Variants in CSGALNACT1 observed in about 807,000 individuals in gnomAD.
CSGALNACT1 encodes chondroitin sulfate N-acetylgalactosaminyltransferase 1, also known as beta4GalNAcT-1.
A neutral mutation model predicts 51.0 loss-of-function variants in CSGALNACT1; 52 were observed. That is an observed-to-expected ratio of 1.02 (90% CI 0.82 to 1.29). CSGALNACT1 has a LOEUF of 1.29. Among genes scored for constraint, CSGALNACT1 ranks in the 50% most tolerant of loss-of-function variants. CSGALNACT1 has a pLI of 0.00. For synonymous variants in CSGALNACT1, 341 were observed against 254.4 expected (o/e 1.34, Z -3.24); for missense variants, 935 against 679.2 (o/e 1.38, Z -4.19).
At chr8:19,621,498 T>C (rs369339667) in intron 1 of CSGALNACT1, among the ~76,000 whole-genome samples, 1 of 152,276 alleles carries the variant, frequency 6.6e-6, no homozygotes, top group East Asian at 1.9e-4. Flanking sequence ...TTAGAAATAA[T>C]GTCCAGGCAC....
At chr8:19,455,388 G>C (rs971880028) in intron 5 of CSGALNACT1, among the ~76,000 whole-genome samples, 4 of 152,184 alleles carry the variant, frequency 2.6e-5, no homozygotes, top group African/African-American at 9.7e-5. Flanking sequence ...TCTGGGGATG[G>C]AAAGGAATTT....
chr8:19,636,058 ATT>A (rs745697123), intron 1 of CSGALNACT1, among the ~76,000 whole-genome samples: 31 of 152,222 alleles, frequency 2.0e-4, no homozygotes, highest in Non-Finnish European at 3.4e-4. Context: ...CATTCCTCAG[ATT>A]TTACGGTAGT....
intron 3 of CSGALNACT1, among the ~76,000 whole-genome samples, chr8:19,577,069 G>C (rs2975462): frequency 6.8e-6 from 1 of 146,828 alleles, no homozygotes; most frequent in Non-Finnish European, 1.5e-5. Flanking sequence ...CTTTGGGAAA[G>C]AGAGAGAGGG....
chr8:19,465,940 A>G (rs1226484826), intron 4 of CSGALNACT1, among the ~76,000 whole-genome samples: 1 of 152,236 alleles, frequency 6.6e-6, no homozygotes, highest in Non-Finnish European at 1.5e-5. Flanking sequence ...GATCATGAAA[A>G]GAGCATCCAA....
intron 3 of CSGALNACT1, among the ~76,000 whole-genome samples, chr8:19,519,873 G>C (rs2080294755): frequency 6.6e-6 from 1 of 152,174 alleles, no homozygotes; most frequent in South Asian, 2.1e-4. Flanking sequence ...CAGGCATTAT[G>C]GAAGAATGGA....
At chr8:19,578,393 G>T (rs944541243) in intron 3 of CSGALNACT1, among the ~76,000 whole-genome samples, 4 of 152,178 alleles carry the variant, frequency 2.6e-5, no homozygotes, top group African/African-American at 9.7e-5. Context: ...AGCCACCTGT[G>T]ATCCTGCTGC....
chr8:19,703,466 G>A (rs1233637745), intron 1 of CSGALNACT1, among the ~76,000 whole-genome samples: 3 of 152,104 alleles, frequency 2.0e-5, no homozygotes, highest in Non-Finnish European at 4.4e-5. Context: ...ACCAAGCCCG[G>A]CTAATTTTCT....
At chr8:19,478,125 C>G (rs538807938) in intron 4 of CSGALNACT1, among the ~76,000 whole-genome samples, 1 of 123,406 alleles carries the variant, frequency 8.1e-6, no homozygotes, top group East Asian at 5.9e-4. Context: ...TAAAAATACT[C>G]ATGTCTGGGC....
chr8:19,756,571 C>G (rs1589847967), intron 1 of CSGALNACT1, among the ~76,000 whole-genome samples: 2 of 151,712 alleles, frequency 1.3e-5, no homozygotes, highest in Admixed American at 6.6e-5. Context: ...CCCCGCCCTT[C>G]TAGCCCCCAT....
intron 1 of CSGALNACT1, among the ~76,000 whole-genome samples, chr8:19,620,455 G>A: frequency 6.7e-6 from 1 of 148,926 alleles, no homozygotes. Flanking sequence ...TTGAGAAAGG[G>A]TCTTGCTCTG....
At chr8:19,503,170 G>C (rs958867261) in intron 4 of CSGALNACT1, among the ~76,000 whole-genome samples, 10 of 152,164 alleles carry the variant, frequency 6.6e-5, no homozygotes, top group African/African-American at 2.2e-4. Context: ...TATATTTAAA[G>C]TATTTGCCTT....
intron 3 of CSGALNACT1, among the ~76,000 whole-genome samples, chr8:19,551,729 C>A (rs1467656464): frequency 6.7e-6 from 1 of 150,086 alleles, no homozygotes; most frequent in Non-Finnish European, 1.5e-5. Context: ...AATTCCCACT[C>A]AACAATTTGC....
chr8:19,473,457 GAC>G (rs919032991), intron 4 of CSGALNACT1, among the ~76,000 whole-genome samples: 5 of 152,136 alleles, frequency 3.3e-5, no homozygotes, highest in South Asian at 2.1e-4. Context: ...GTCCTTCCCA[GAC>G]ACACAGAGTC....
intron 1 of CSGALNACT1, among the ~76,000 whole-genome samples, chr8:19,755,661 A>G (rs1197479755): frequency 6.6e-6 from 1 of 152,134 alleles, no homozygotes; most frequent in East Asian, 1.9e-4. Flanking sequence ...AATAAGTGGA[A>G]GAAGCCGCCT....
chr8:19,685,813 G>A (rs1182814839), upstream of CSGALNACT1, among the ~76,000 whole-genome samples: 2 of 152,148 alleles, frequency 1.3e-5, no homozygotes, highest in African/African-American at 4.8e-5. Flanking sequence ...ATACCAACGA[G>A]AAGGAGTGGG....
intron 1 of CSGALNACT1, among the ~76,000 whole-genome samples, chr8:19,653,081 C>A (rs1449686612): frequency 1.3e-5 from 2 of 152,142 alleles, no homozygotes; most frequent in East Asian, 3.9e-4. Context: ...GAAAACTGAA[C>A]CCACTGCCAC....
In CSGALNACT1 at chr8:19,500,091, AG is replaced by A. The variant is rs1300847241; in HGVS notation, c.634+5109del. ...CAAACGCATGGAGATATTTGAAAGCAGTAAAAGGATAGAGGGGCCTGGTGAG... is the reference window on the plus strand; with the variant it reads ...CAAACGCATGGAGATATTTGAAAGCATAAAAGGATAGAGGGGCCTGGTGAG... On this transcript the variant is annotated intron_variant, in intron 4 of 9. Coordinates refer to ENST00000454498, the Ensembl canonical transcript of CSGALNACT1. 2.6e-5 allele frequency among the ~76,000 whole-genome samples: 4 copies of A among 152,348 alleles called. No homozygotes were observed. In the East Asian group the frequency reaches 7.7e-4, roughly 29 times the overall value.
chr8:19,465,724 G>C (rs2066516684), intron 4 of CSGALNACT1, among the ~76,000 whole-genome samples: 1 of 152,120 alleles, frequency 6.6e-6, no homozygotes, highest in South Asian at 2.1e-4. Flanking sequence ...TTGGGCACCT[G>C]ACAACATGAA....
intron 3 of CSGALNACT1, among the ~76,000 whole-genome samples, chr8:19,590,806 C>T (rs996146031): frequency 3.3e-5 from 5 of 151,894 alleles, no homozygotes; most frequent in Non-Finnish European, 7.4e-5. Context: ...TCCACCACCA[C>T]ACCTGGCTAA....
Sources: allele counts gnomAD v4.1 joint callset (sites outside exome capture counted in the v4.1 genomes callset), GRCh38; gene constraint gnomAD v4.1.1; transcripts MANE v1.5; gene names NCBI Gene and HGNC (gene_info 2026-07-23, HGNC 2026-07-21).